Variants in PCDHA11 observed in about 807,000 individuals in gnomAD.
PCDHA11 encodes the protein protocadherin alpha-11.
A neutral mutation model predicts 70.3 loss-of-function variants in PCDHA11; 61 were observed. That is an observed-to-expected ratio of 0.87 (90% CI 0.71 to 1.07). The LOEUF (loss-of-function observed/expected upper bound fraction) is 1.07. Among genes scored for constraint, PCDHA11 ranks in the 50% least tolerant of loss-of-function variants. PCDHA11 has a pLI of 0.00. For synonymous variants in PCDHA11, 633 were observed against 555.1 expected, an observed-to-expected ratio of 1.14 and a Z score of -1.97; for missense variants, 1,324 against 1,237.5, an observed-to-expected ratio of 1.07 and a Z score of -1.05.
chr5:141,000,417 A>ATTT (rs1563652061), intron 3 of PCDHA11, among the ~76,000 whole-genome samples: 30 of 77,716 alleles, frequency 3.9e-4, no homozygotes, highest in South Asian at 4.7e-4. Flanking sequence ...ATATATATAT[A>ATTT]TATATTTTTT....
At position 140,971,724 on chromosome 5, in the gene PCDHA11, C is replaced by T. The variant is rs1489489083; in HGVS notation, c.2392-7225C>T. On this transcript the variant is annotated intron_variant, in intron 1 of 3. Coordinates refer to ENST00000398640, the MANE Select transcript of PCDHA11 (RefSeq NM_018902.5). ...CCCTGCTATATAGATATATGTATAT[C>T]ATACATATACACATACATATATCTC... 2.0e-5 allele frequency among the ~76,000 whole-genome samples: 3 copies of T among 151,776 alleles called. No homozygotes were observed. The East Asian group carries it at 5.8e-4, about 29-fold the overall frequency.
chr5:140,886,844 A>AG lies in PCDHA11; in HGVS notation c.2391+15350_2391+15351insG, dbSNP rs1203919867. Among the ~76,000 whole-genome samples, 142 of 150,728 alleles carry AG rather than the reference A, an allele frequency of 9.4e-4. 2 individuals are homozygous for AG. Among genetic ancestry groups the AG allele is most frequent in the African/African-American group, 2.8e-3 (117 of 41,122 alleles). ...TTCGTCTTGAAAAAAAAAAAAAAAAAAAAGAAAGGTCTTCCCAACTCCTAT... is the reference window on the plus strand; with the variant it reads ...TTCGTCTTGAAAAAAAAAAAAAAAAAGAAAGAAAGGTCTTCCCAACTCCTAT... On this transcript the variant is annotated intron_variant, in intron 1 of 3. Coordinates refer to ENST00000398640, the MANE Select transcript of PCDHA11 (RefSeq NM_018902.5).
chr5:140,966,864 T>A, intron 1 of PCDHA11: 1 of 1,564,920 alleles, frequency 6.4e-7, no homozygotes. Flanking sequence ...CTGCTGTTGC[T>A]GCTGCTGCTA....
At chr5:140,905,787 G>C (rs1468265319) in intron 1 of PCDHA11, among the ~76,000 whole-genome samples, 1 of 152,012 alleles carries the variant, frequency 6.6e-6, no homozygotes, top group African/African-American at 2.4e-5. Flanking sequence ...TATTAGTCAG[G>C]GTTCTCTAGA....
At chr5:140,993,468 AC>A (rs2097564676) in intron 3 of PCDHA11, among the ~76,000 whole-genome samples, 1 of 69,412 alleles carries the variant, frequency 1.4e-5, no homozygotes, top group South Asian at 5.5e-4. Context: ...TTTCTCACAC[AC>A]ACACACACAC....
At chr5:140,923,423 G>T (rs533295733) in intron 1 of PCDHA11, among the ~76,000 whole-genome samples, 1 of 152,260 alleles carries the variant, frequency 6.6e-6, no homozygotes, top group East Asian at 1.9e-4. Context: ...GGCTACTTGG[G>T]AGGCTGGGGT....
chr5:140,871,658 C>A, intron 1 of PCDHA11, 164 bp downstream of exon 1: 1 of 1,224,214 alleles, frequency 8.2e-7, no homozygotes, highest in Non-Finnish European at 1.1e-6. Flanking sequence ...TGATACACAT[C>A]TTCAGTCTTT....
At chr5:140,967,371 A>C in intron 1 of PCDHA11, 1 of 1,607,094 alleles carries the variant, frequency 6.2e-7, no homozygotes, top group Non-Finnish European at 8.5e-7. Context: ...CCCCTGCAGG[A>C]GAACAGTAAA....
At chr5:140,922,254 T>G (rs2080741873) in intron 1 of PCDHA11, among the ~76,000 whole-genome samples, 1 of 152,228 alleles carries the variant, frequency 6.6e-6, no homozygotes, top group East Asian at 1.9e-4. Context: ...GATAAGTTAC[T>G]AAGTGCCATG....
chr5:140,975,516 G>T (rs1310855349), intron 1 of PCDHA11, among the ~76,000 whole-genome samples: 1 of 152,166 alleles, frequency 6.6e-6, no homozygotes, highest in Non-Finnish European at 1.5e-5. Flanking sequence ...TGCAAAATCT[G>T]CAGTGGATAT....
chr5:140,946,363 A>T (rs2093934761), intron 1 of PCDHA11, among the ~76,000 whole-genome samples: 1 of 151,892 alleles, frequency 6.6e-6, no homozygotes, highest in African/African-American at 2.4e-5. Flanking sequence ...AGAAAAGGGA[A>T]CTCTTGCACA....
chr5:140,875,556 C>A (rs781896642), intron 1 of PCDHA11: 2 of 1,614,010 alleles, frequency 1.2e-6, no homozygotes, highest in Non-Finnish European at 1.7e-6. Context: ...AGGTGGGGAG[C>A]GGCCAGCTCC....
At position 140,882,738 on chromosome 5, in the gene PCDHA11, C is replaced by T. The variant is rs1005115100; in HGVS notation, c.2391+11244C>T. 8.1e-6 allele frequency: 13 copies of T among 1,614,118 alleles called. No individual in the cohort carries two copies. The highest frequency in any genetic ancestry group is 1.3e-5 in the African/African-American group (1 of 74,942). ...GAAACTCGATTTCCACTAGATGGCG[C>T]ATCCGATGCAGATATTGGAGTAAAC... On this transcript the variant is annotated intron_variant, in intron 1 of 3. Transcript: ENST00000398640.
chr5:140,981,981 A>G (rs2096960839), intron 2 of PCDHA11, among the ~76,000 whole-genome samples: 1 of 152,208 alleles, frequency 6.6e-6, no homozygotes, highest in Non-Finnish European at 1.5e-5. Flanking sequence ...GAAAGAGTAA[A>G]ATAGAAAATA....
intron 3 of PCDHA11, among the ~76,000 whole-genome samples, chr5:140,987,370 A>G (rs183202119): frequency 5.2e-4 from 79 of 152,328 alleles, no homozygotes; most frequent in East Asian, 3.9e-4. Context: ...TTATATCATT[A>G]CAGGGTCAGA....
chr5:140,874,676 G>A (rs1487161384), intron 1 of PCDHA11, among the ~76,000 whole-genome samples: 4 of 152,136 alleles, frequency 2.6e-5, no homozygotes, highest in African/African-American at 9.7e-5. Context: ...CTATTCCTGA[G>A]ATTTGTTTTA....
chr5:140,869,203 T>C lies in PCDHA11; in HGVS notation c.100T>C (p.Ser34Pro). Reference sequence around the variant, plus strand: ...GGTGGGGAGCGGCCAGCTCCACTACTCCGTCTCGGAGGAGGCCAAACACGG... The same window carrying C: ...GGTGGGGAGCGGCCAGCTCCACTACCCCGTCTCGGAGGAGGCCAAACACGG... Reference protein sequence around the residue: ...WEVGSGQLHYSVSEEAKHGTF... With the variant: ...WEVGSGQLHYPVSEEAKHGTF... Residue 34 changes from serine to proline, a missense_variant, in exon 1 of 4, where the codon TCC becomes CCC. Physicochemically the swap from Ser to Pro is moderately conservative, Grantham distance 74. Coordinates refer to ENST00000398640, the MANE Select transcript of PCDHA11 (RefSeq NM_018902.5). The C allele has an allele frequency of 6.2e-7, 1 of 1,614,000 alleles. No homozygotes were observed. Among genetic ancestry groups the C allele is most frequent in the Non-Finnish European group, 8.5e-7 (1 of 1,179,940 alleles).
intron 1 of PCDHA11, among the ~76,000 whole-genome samples, chr5:140,924,166 T>C (rs1409712075): frequency 6.6e-6 from 1 of 152,232 alleles, no homozygotes; most frequent in African/African-American, 2.4e-5. Flanking sequence ...TCCTAATCTC[T>C]GGCACTGAAG....
chr5:140,872,178 A>G (rs549229832), intron 1 of PCDHA11, among the ~76,000 whole-genome samples: 2 of 149,926 alleles, frequency 1.3e-5, no homozygotes, highest in Admixed American at 6.6e-5. Context: ...TTTTTTTTTT[A>G]CAGTGTTAAA....
Sources: allele counts gnomAD v4.1 joint callset (sites outside exome capture counted in the v4.1 genomes callset), GRCh38; gene constraint gnomAD v4.1.1; transcripts MANE v1.5; gene names NCBI Gene and HGNC (gene_info 2026-07-23, HGNC 2026-07-21).